MGLL: variants seen among roughly 807,000 people sequenced by gnomAD.
The protein encoded by MGLL is lysophospholipase homolog.
In MGLL, 7 loss-of-function variants were observed where a neutral mutation model predicts 29.1. That is an observed-to-expected ratio of 0.24 (90% CI 0.14 to 0.45). The LOEUF (loss-of-function observed/expected upper bound fraction) is 0.45. Among genes scored for constraint, MGLL ranks in the 20% least tolerant of loss-of-function variants. The pLI is 0.99. For missense variants in MGLL, 356 were observed against 413.6 expected, an observed-to-expected ratio of 0.86 and a Z score of 1.21; for synonymous variants, 148 against 168.3, an observed-to-expected ratio of 0.88 and a Z score of 0.93.
chr3:127,817,664 A>G (rs1038272517), intron 2 of MGLL, among the ~76,000 whole-genome samples: 1 of 152,232 alleles, frequency 6.6e-6, no homozygotes, highest in Non-Finnish European at 1.5e-5. Flanking sequence ...CCAGTGTCAA[A>G]TGAGGATATT....
intron 3 of MGLL, among the ~76,000 whole-genome samples, chr3:127,746,417 C>T (rs576871355): frequency 6.6e-6 from 1 of 152,252 alleles, no homozygotes; most frequent in Admixed American, 6.5e-5. Context: ...AGGCGGTCCC[C>T]ATTCACCCTG....
At chr3:127,788,855 G>T (rs1407465256) in intron 2 of MGLL, among the ~76,000 whole-genome samples, 1 of 152,208 alleles carries the variant, frequency 6.6e-6, no homozygotes, top group African/African-American at 2.4e-5. Context: ...CACTGCCTCT[G>T]CTCCATGAAC....
intron 2 of MGLL, among the ~76,000 whole-genome samples, chr3:127,815,458 T>C (rs1213172154): frequency 6.6e-6 from 1 of 152,262 alleles, no homozygotes; most frequent in East Asian, 1.9e-4. Context: ...ACAGTCCATG[T>C]TCATCTCTCC....
At chr3:127,726,190 A>AAAGG (rs1553758469) in intron 3 of MGLL, among the ~76,000 whole-genome samples, 7 of 74,316 alleles carry the variant, frequency 9.4e-5, no homozygotes, top group South Asian at 9.5e-4. Context: ...GAAAGAAAAG[A>AAAGG]AAAGAAAGAA....
intron 3 of MGLL, among the ~76,000 whole-genome samples, chr3:127,754,897 C>T (rs2076631526): frequency 6.6e-6 from 1 of 152,188 alleles, no homozygotes; most frequent in Non-Finnish European, 1.5e-5. Context: ...GTGTCCCAGG[C>T]TCTTTAGAGG....
chr3:127,780,908 A>AT (rs1324251545), intron 3 of MGLL, among the ~76,000 whole-genome samples: 1 of 152,236 alleles, frequency 6.6e-6, no homozygotes, highest in Non-Finnish European at 1.5e-5. Context: ...AGAAGTCTTA[A>AT]TTTTAAAAAG....
chr3:127,734,560 G>T (rs2107646148), intron 3 of MGLL, among the ~76,000 whole-genome samples: 2 of 152,302 alleles, frequency 1.3e-5, no homozygotes, highest in South Asian at 4.1e-4. Flanking sequence ...ACCCTCCAGA[G>T]TGGCTGCACA....
chr3:127,699,361 T>A (rs1388539983), intron 6 of MGLL, among the ~76,000 whole-genome samples: 8 of 147,942 alleles, frequency 5.4e-5, no homozygotes, highest in South Asian at 4.3e-4. Context: ...ATTTTTTTTT[T>A]AAATTGTTCC....
Position 127,710,673 on chromosome 3 carries a change from G to C in MGLL, c.511-8C>G, listed in dbSNP as rs2075693066. ...CACTTTCGCAGCAAGGACCTAGCCGGGGAGGGAAAACAAGGGCTGTGAGCA... is the reference window on the plus strand; with the variant it reads ...CACTTTCGCAGCAAGGACCTAGCCGCGGAGGGAAAACAAGGGCTGTGAGCA... On this transcript the variant is annotated splice_polypyrimidine_tract_variant and splice_region_variant and intron_variant, in intron 5 of 7. Transcript: ENST00000265052. 4.5e-6 allele frequency: 7 copies of C among 1,561,034 alleles called. No individual in the cohort carries two copies. The highest frequency in any genetic ancestry group is 6.1e-6 in the Non-Finnish European group (7 of 1,151,396).
chr3:127,808,002 C>T (rs2077598564), intron 2 of MGLL, among the ~76,000 whole-genome samples: 1 of 151,936 alleles, frequency 6.6e-6, no homozygotes, highest in African/African-American at 2.4e-5. Context: ...CCTCGTGATC[C>T]ACCCGCCTCG....
chr3:127,761,748 C>T lies in MGLL; in HGVS notation c.262+20041G>A, dbSNP rs1346419685. 6.6e-6 allele frequency among the ~76,000 whole-genome samples: 1 copy of T among 152,210 alleles called. No individual in the cohort carries two copies. Among genetic ancestry groups the T allele is most frequent in the Non-Finnish European group, 1.5e-5 (1 of 68,046 alleles). ...CTCCCTCCTGGCACGTTCGGCTCCT[C>T]GCTTCATCGGCCGGGCCCTTGGGAC... is the stretch of plus-strand genomic sequence containing the variant. On this transcript the variant is annotated intron_variant, in intron 3 of 7. Coordinates refer to ENST00000265052, the MANE Select transcript of MGLL (RefSeq NM_007283.7). This position sits in a 1 kb window ranked among gnomAD's most constrained non-coding sequence, Gnocchi z 4.6.
At chr3:127,710,512 A>T in intron 6 of MGLL, 64 bp downstream of exon 6, 1 of 1,397,296 alleles carries the variant, frequency 7.2e-7, no homozygotes, top group African/African-American at 1.4e-5. Flanking sequence ...GCTGGAGCCA[A>T]AACTCTGATT....
At chr3:127,756,540 C>T (rs2076667874) in intron 3 of MGLL, among the ~76,000 whole-genome samples, 1 of 152,152 alleles carries the variant, frequency 6.6e-6, no homozygotes, top group African/African-American at 2.4e-5. Flanking sequence ...TCCCCACATG[C>T]CCCCATGGTA....
rs1409504821 is a variant in MGLL, at chr3:127,776,042, G to GA, written c.262+5746dup. 3.3e-5 allele frequency among the ~76,000 whole-genome samples: 5 copies of GA among 152,310 alleles called. No individual in the cohort carries two copies. In the South Asian group the frequency reaches 1.0e-3, roughly 32 times the overall value. ...TCCCTGCTATATTTAGAATGTTGCG[G>GA]AAAATCCCATCTTCTGGTGTCCCCA... On this transcript the variant is annotated intron_variant, in intron 3 of 7. Transcript: ENST00000265052.
At chr3:127,804,381 C>T (rs775817468) in intron 2 of MGLL, among the ~76,000 whole-genome samples, 1 of 152,230 alleles carries the variant, frequency 6.6e-6, no homozygotes, top group Non-Finnish European at 1.5e-5. Context: ...ATGGCAGAGA[C>T]CACTGATCGC....
intron 3 of MGLL, among the ~76,000 whole-genome samples, chr3:127,736,525 C>T (rs1239804580): frequency 1.3e-5 from 2 of 152,130 alleles, no homozygotes; most frequent in Admixed American, 1.3e-4. Context: ...GGGAAGGGCT[C>T]CTTTCACCTG....
chr3:127,692,694 A>G (rs905125785), intron 7 of MGLL, among the ~76,000 whole-genome samples: 2 of 151,974 alleles, frequency 1.3e-5, no homozygotes, highest in Non-Finnish European at 2.9e-5. Flanking sequence ...TCCCAAGCCG[A>G]CTTCCACTCC....
chr3:127,749,808 T>G (rs1463507037), intron 3 of MGLL, among the ~76,000 whole-genome samples: 5 of 151,598 alleles, frequency 3.3e-5, no homozygotes, highest in South Asian at 2.1e-4. Context: ...TGCGAGGGGG[T>G]TTACTGTTTT....
intron 3 of MGLL, among the ~76,000 whole-genome samples, chr3:127,780,304 T>C (rs1020013744): frequency 6.6e-6 from 1 of 152,244 alleles, no homozygotes; most frequent in African/African-American, 2.4e-5. Flanking sequence ...TCTAGCTGCA[T>C]AGTACAAATA....
Sources: gnomAD v4.1 joint callset for allele counts (sites outside exome capture counted in the v4.1 genomes callset) on GRCh38, gnomAD v4.1.1 for gene constraint, Gnocchi (gnomAD v3.1) non-coding constraint, MANE v1.5 for transcripts, NCBI Gene and HGNC (gene_info 2026-07-23, HGNC 2026-07-21) for gene names.